ING3: variants seen among roughly 807,000 people sequenced by gnomAD.
ING3 encodes inhibitor of growth protein 3.
A neutral mutation model predicts 64.8 loss-of-function variants in ING3; 6 were observed. The ratio of observed to expected loss-of-function variants is 0.09; its 90% CI spans 0.05 to 0.18. ING3 has a LOEUF of 0.18. Ranked by LOEUF, ING3 falls within the 10% of genes least tolerant of loss-of-function variation. The pLI is 1.00. For missense variants in ING3, 310 were observed against 489.7 expected (o/e 0.63, Z 3.46); for synonymous variants, 170 against 173.7 (o/e 0.98, Z 0.17).
chr7:120,957,905 C>T (rs1030897726), intron 4 of ING3, among the ~76,000 whole-genome samples: 4 of 152,160 alleles, frequency 2.6e-5, no homozygotes, highest in Non-Finnish European at 4.4e-5. Flanking sequence ...CAGTTTCCTG[C>T]TGTAAAAAAG....
chr7:120,965,089 TTGAG>T (rs1459750866), intron 5 of ING3, among the ~76,000 whole-genome samples: 33 of 152,202 alleles, frequency 2.2e-4, no homozygotes, highest in African/African-American at 7.7e-4. Context: ...TACTAGTAAG[TTGAG>T]TGGTAAGAAC....
chr7:120,953,248 TA>T, intron 2 of ING3, 55 bp from the exon 3 acceptor site: 1 of 1,001,756 alleles, frequency 1.0e-6, no homozygotes, highest in Non-Finnish European at 1.5e-6. Context: ...TCAAACCATG[TA>T]TATTTAGTAT....
intron 4 of ING3, among the ~76,000 whole-genome samples, chr7:120,964,367 A>G (rs1440663056): frequency 6.6e-6 from 1 of 152,176 alleles, no homozygotes; most frequent in Non-Finnish European, 1.5e-5. Context: ...GGAGGAGATT[A>G]GGCTCTAAGT....
At chr7:120,974,628 G>T in intron 11 of ING3, 100 bp from the exon 12 acceptor site, 1 of 594,872 alleles carries the variant, frequency 1.7e-6, no homozygotes, top group Non-Finnish European at 3.0e-6. Context: ...TCTAATTATT[G>T]TTAAATTAAA....
At chr7:120,959,575 A>G (rs550498821) in intron 4 of ING3, among the ~76,000 whole-genome samples, 1 of 144,828 alleles carries the variant, frequency 6.9e-6, no homozygotes, top group Non-Finnish European at 1.5e-5. Flanking sequence ...CTGACCTTGT[A>G]GTCATTCAGA....
chr7:120,972,348 G>T (rs2116691924), intron 10 of ING3, among the ~76,000 whole-genome samples: 1 of 152,230 alleles, frequency 6.6e-6, no homozygotes, highest in African/African-American at 2.4e-5. Flanking sequence ...AACAGTATGA[G>T]TTGCCAGTCT....
chr7:120,953,094 A>G (rs1164128935), intron 2 of ING3, among the ~76,000 whole-genome samples: 1 of 152,194 alleles, frequency 6.6e-6, no homozygotes, highest in Non-Finnish European at 1.5e-5. Context: ...AACAAAAACA[A>G]AAATAATCTG....
At chr7:120,970,053 C>T (rs1025472293) in intron 9 of ING3, among the ~76,000 whole-genome samples, 1 of 152,150 alleles carries the variant, frequency 6.6e-6, no homozygotes, top group African/African-American at 2.4e-5. Context: ...TCTTGGTTCC[C>T]TGCCATACTC....
At position 120,970,714 on chromosome 7, in the gene ING3, A is replaced by T; in HGVS notation, c.935A>T (p.Gln312Leu). The change falls in exon 10 of 12, where the codon CAG (glutamine) becomes CTG (leucine). Residue 312 changes from glutamine (Q) to leucine (L), a missense_variant. Physicochemically the swap from Gln to Leu is moderately radical, Grantham distance 113. Transcript: ENST00000315870. ...SKNNNKSSSQ[Q>L]SSSSSSSSSL... ...AACAACAACAAGTCTTCAAGCCAGC[A>T]GTCATCATCTTCCTCCTCCTCTTCT... 1 of 1,613,802 alleles carries T rather than the reference A, an allele frequency of 6.2e-7. No homozygotes were observed. The highest frequency in any genetic ancestry group is 8.5e-7 in the Non-Finnish European group (1 of 1,179,726).
intron 11 of ING3, 65 bp downstream of exon 11, chr7:120,973,308 G>A: frequency 9.3e-7 from 1 of 1,069,938 alleles, no homozygotes; most frequent in Non-Finnish European, 1.4e-6. Context: ...TTGAATATTT[G>A]TCTTATTTGC....
chr7:120,972,819 A>G (rs1796087389), intron 10 of ING3, among the ~76,000 whole-genome samples: 1 of 152,198 alleles, frequency 6.6e-6, no homozygotes, highest in South Asian at 2.1e-4. Context: ...AGTTTCAAGG[A>G]AGGAGACTAT....
Position 120,969,162 on chromosome 7 carries a change from C to A in ING3, c.866C>A (p.Ala289Asp), listed in dbSNP as rs758866749. 30 of 1,613,502 alleles carry A rather than the reference C, an allele frequency of 1.9e-5. No individual in the cohort carries two copies. Among genetic ancestry groups the A allele is most frequent in the Non-Finnish European group, 2.2e-5 (26 of 1,179,776 alleles). Residue 289 changes from alanine (A) to aspartate (D), a missense_variant, in exon 9 of 12, where the codon GCC becomes GAC. Physicochemically the swap from Ala to Asp is moderately radical, Grantham distance 126. Transcript: ENST00000315870. ...SALMTTLTQN[A>D]SSSAADSRSG... ...CTTATGACAACATTAACACAGAATGCCAGTTCATCAGCAGCCGACTCACGG... is the reference window on the plus strand; with the variant it reads ...CTTATGACAACATTAACACAGAATGACAGTTCATCAGCAGCCGACTCACGG...
intron 4 of ING3, chr7:120,956,493 T>C (rs1795849568): frequency 5.6e-6 from 6 of 1,074,662 alleles, no homozygotes; most frequent in East Asian, 8.2e-5. Flanking sequence ...TGTAAATGCT[T>C]ATACCACAAA....
Position 120,970,767 on chromosome 7 carries a change from A to G in ING3, c.988A>G (p.Thr330Ala). The part of the protein sequence containing the change: ...SSLSSCSSSS[T>A]VVQEISQQTT... ...CTTATCATCGTGTTCTTCATCATCA[A>G]CTGTTGTACAAGAAATCTCTCAACA... is the stretch of plus-strand genomic sequence containing the variant. Residue 330 changes from threonine (T) to alanine (A), a missense_variant, in exon 10 of 12, where the codon ACT becomes GCT. Transcript: ENST00000315870. The G allele has an allele frequency of 6.2e-7, 1 of 1,613,584 alleles. No homozygotes were observed. The highest frequency in any genetic ancestry group is 8.5e-7 in the Non-Finnish European group (1 of 1,179,556).
intron 10 of ING3, among the ~76,000 whole-genome samples, 193 bp downstream of exon 10, chr7:120,971,073 G>T (rs746894683): frequency 1.3e-5 from 2 of 152,098 alleles, no homozygotes; most frequent in African/African-American, 2.4e-5. Context: ...CATAATCCTA[G>T]CCCTCAGATA....
intron 4 of ING3, among the ~76,000 whole-genome samples, chr7:120,964,227 A>T (rs1037852921): frequency 1.3e-5 from 2 of 152,190 alleles, no homozygotes; most frequent in African/African-American, 4.8e-5. Context: ...TACAAGCATT[A>T]TGATTCACTC....
rs1796121587 is a variant in ING3 at position 120,975,368 on chromosome 7, A to G, written c.*524A>G. ...ATAAGCTTTGTTTCTTTGTGAAACT[A>G]ATTCAGCAGGCTGAAGGAAATGGTT... On this transcript the variant is annotated 3_prime_UTR_variant, in exon 12 of 12. Transcript: ENST00000315870. 1 of 152,168 alleles carries G rather than the reference A, an allele frequency of 6.6e-6. No individual in the cohort carries two copies. The highest frequency in any genetic ancestry group is 1.9e-4 in the East Asian group (1 of 5,198). 9.4% of individuals were successfully genotyped at this position (152,168 alleles called of 1,614,324 possible).
rs1393174870 is a variant in ING3, at chr7:120,966,748, A to AT, written c.436+52dup. ...TTTTAAAAACAATGAAAACCTTATT[A>AT]TATCACCTATATGTTCTCTTTTTTT... On this transcript the variant is annotated intron_variant, in intron 6 of 11. Transcript: ENST00000315870. 13 of 1,213,000 alleles carry AT rather than the reference A, an allele frequency of 1.1e-5. No individual in the cohort carries two copies. In the Admixed American group the frequency reaches 1.2e-4, roughly 11 times the overall value. The allele number at this position is 1,213,000 out of a possible 1,614,324, so 75.1% of individuals were successfully genotyped here. A position where few individuals can be genotyped will look rare whatever the true frequency, so the allele number is the denominator to read the frequency against.
At chr7:120,968,610 C>T (rs753734833) in intron 8 of ING3, among the ~76,000 whole-genome samples, 1 of 151,992 alleles carries the variant, frequency 6.6e-6, no homozygotes, top group East Asian at 1.9e-4. Flanking sequence ...TTTGATAGGC[C>T]GAGGCAGGTG....
Sources: allele counts gnomAD v4.1 joint callset (sites outside exome capture counted in the v4.1 genomes callset), GRCh38; gene constraint gnomAD v4.1.1; transcripts MANE v1.5; gene names NCBI Gene and HGNC (gene_info 2026-07-23, HGNC 2026-07-21).